The following CD58 variants were observed in gnomAD, a reference collection of about 807,000 sequenced individuals.
CD58 encodes the protein CD58 molecule.
CD58 carries 14 observed loss-of-function variants against 27.6 expected under a neutral mutation model. The ratio of observed to expected loss-of-function variants is 0.51; its 90% CI spans 0.34 to 0.79. The LOEUF (loss-of-function observed/expected upper bound fraction) is 0.79. Among genes scored for constraint, CD58 ranks in the 30% least tolerant of loss-of-function variants. CD58 has a pLI of 0.02. For synonymous variants in CD58, 117 were observed against 103.8 expected (o/e 1.13, Z -0.77); for missense variants, 268 against 301.7 (o/e 0.89, Z 0.83).
chr1:116,526,503 T>C (rs1029881704), intron 3 of CD58, among the ~76,000 whole-genome samples: 2 of 152,260 alleles, frequency 1.3e-5, no homozygotes, highest in African/African-American at 4.8e-5. Context: ...ACCATATTTA[T>C]GTTGGTTTAT....
chr1:116,523,608 A>G lies in CD58; in HGVS notation c.629-1625T>C, dbSNP rs1657337581. Among the ~76,000 whole-genome samples the G allele has an allele frequency of 6.6e-6, 1 of 152,106 alleles. No individual in the cohort carries two copies. Among genetic ancestry groups the G allele is most frequent in the Non-Finnish European group, 1.5e-5 (1 of 68,012 alleles). The stretch of plus-strand genomic sequence containing the variant: ...TATTCCTTGGCAATAATACTCCCCA[A>G]GTAGTGTTTGTATACTTCCCTTAGG... On this transcript the variant is annotated intron_variant, in intron 3 of 5. Coordinates refer to ENST00000369489, the MANE Select transcript of CD58 (RefSeq NM_001779.3). This position sits in a 1 kb window ranked among gnomAD's most constrained non-coding sequence, Gnocchi z 4.4.
Position 116,522,544 on chromosome 1 carries a change from A to G in CD58, c.629-561T>C, listed in dbSNP as rs1657291505. On this transcript the variant is annotated intron_variant, in intron 3 of 5. Coordinates refer to ENST00000369489, the MANE Select transcript of CD58 (RefSeq NM_001779.3). The surrounding 1 kb of genome is among the most constrained non-coding windows in gnomAD (Gnocchi z 4.6). Reference sequence around the variant, plus strand: ...TAAACAGATCATTAACAAAAATCTTATGACTAGAGGCTCACAGGAACCTAC... The same window carrying G: ...TAAACAGATCATTAACAAAAATCTTGTGACTAGAGGCTCACAGGAACCTAC... Among the ~76,000 whole-genome samples the G allele has an allele frequency of 6.6e-6, 1 of 152,218 alleles. No homozygotes were observed. The highest frequency in any genetic ancestry group is 2.4e-5 in the African/African-American group (1 of 41,452).
chr1:116,539,116 T>A (rs1017879057), intron 2 of CD58, among the ~76,000 whole-genome samples: 10 of 152,224 alleles, frequency 6.6e-5, no homozygotes, highest in Non-Finnish European at 1.0e-4. Context: ...TTAACACAGA[T>A]AATAATCAAC....
chr1:116,518,565 G>T, intron 5 of CD58: 2 of 583,508 alleles, frequency 3.4e-6, no homozygotes, highest in Non-Finnish European at 4.3e-6. Flanking sequence ...CTCCAAAGAG[G>T]ATGGCTTGCT....
At chr1:116,533,886 T>C in intron 3 of CD58, 4 of 1,141,746 alleles carry the variant, frequency 3.5e-6, no homozygotes, top group Non-Finnish European at 5.3e-6. Context: ...TTTGTTTCAA[T>C]GCATTAATTC....
rs887732541 is a variant in CD58, at chr1:116,517,257, C to T, written c.743+1974G>A. On this transcript the variant is annotated intron_variant, in intron 5 of 5. Coordinates refer to ENST00000369489, the MANE Select transcript of CD58 (RefSeq NM_001779.3). This position sits in a 1 kb window ranked among gnomAD's most constrained non-coding sequence, Gnocchi z 6.5. ...CACAAGCCTGGAGGTCCCTACCTCTCCCACCTCACCTCATCTCCAGCTACT... is the reference window on the plus strand; with the variant it reads ...CACAAGCCTGGAGGTCCCTACCTCTTCCACCTCACCTCATCTCCAGCTACT... 1.6e-4 allele frequency among the ~76,000 whole-genome samples: 25 copies of T among 152,148 alleles called. No individual in the cohort carries two copies. The highest frequency in any genetic ancestry group is 5.8e-4 in the African/African-American group (24 of 41,420).
rs1428610598 is a variant in CD58 at position 116,536,594 on chromosome 1, G to A, written c.365-366C>T. ...TCATGACATCTGTTGGTTTAAAAGT[G>A]TGTGGCAGTTCTCTCTCTCTCCTGC... On this transcript the variant is annotated intron_variant, in intron 2 of 5. Transcript: ENST00000369489. The surrounding 1 kb of genome is among the most constrained non-coding windows in gnomAD (Gnocchi z 5.4). 6.6e-6 allele frequency among the ~76,000 whole-genome samples: 1 copy of A among 152,050 alleles called. No individual in the cohort carries two copies. Among genetic ancestry groups the A allele is most frequent in the African/African-American group, 2.4e-5 (1 of 41,368 alleles).
At chr1:116,543,147 T>C (rs1433035251) in intron 2 of CD58, among the ~76,000 whole-genome samples, 1 of 151,650 alleles carries the variant, frequency 6.6e-6, no homozygotes, top group Non-Finnish European at 1.5e-5. Flanking sequence ...GCCATGCGAG[T>C]ATGACAAGCC....
rs1192278297 is a variant in CD58, at chr1:116,519,522, G to A, written c.707-255C>T. Among the ~76,000 whole-genome samples the A allele has an allele frequency of 1.3e-5, 2 of 152,134 alleles. No individual in the cohort carries two copies. Among genetic ancestry groups the A allele is most frequent in the East Asian group, 1.9e-4 (1 of 5,198 alleles). The stretch of plus-strand genomic sequence containing the variant: ...TTGACAAAATGGCTAATTTTACCTC[G>A]TGCATAAGGCTGAAGATGCAGGGAA... On this transcript the variant is annotated intron_variant, in intron 4 of 5. Transcript: ENST00000369489. This position sits in a 1 kb window ranked among gnomAD's most constrained non-coding sequence, Gnocchi z 4.7.
In CD58 at chr1:116,550,548, C is replaced by T. The variant is rs1426846073; in HGVS notation, c.71-5944G>A. Among the ~76,000 whole-genome samples the T allele has an allele frequency of 6.6e-6, 1 of 152,210 alleles. No homozygotes were observed. The highest frequency in any genetic ancestry group is 1.5e-5 in the Non-Finnish European group (1 of 68,042). On this transcript the variant is annotated intron_variant, in intron 1 of 5. Transcript: ENST00000369489. The surrounding 1 kb of genome is among the most constrained non-coding windows in gnomAD (Gnocchi z 4.2). ...TCTTGCTATTTCCACCCTTCAAAGT[C>T]ATCCATGAGGATCGGAATCAAATTC... is the stretch of plus-strand genomic sequence containing the variant.
At chr1:116,551,928 C>T (rs963307939) in intron 1 of CD58, among the ~76,000 whole-genome samples, 5 of 151,946 alleles carry the variant, frequency 3.3e-5, no homozygotes, top group Admixed American at 2.0e-4. Context: ...TTAGTAGAGA[C>T]GGGGTTTCGC....
In CD58 at chr1:116,535,820, G is replaced by A. The variant is rs911380969; in HGVS notation, c.628+145C>T. 9 of 571,754 alleles carry A rather than the reference G, an allele frequency of 1.6e-5. 1 individual carries two copies. Among genetic ancestry groups the A allele is most frequent in the South Asian group, 1.4e-4 (6 of 43,770 alleles). The allele number at this position is 571,754 out of a possible 1,614,324, so 35.4% of individuals were successfully genotyped here. On this transcript the variant is annotated intron_variant, in intron 3 of 5. Coordinates refer to ENST00000369489, the MANE Select transcript of CD58 (RefSeq NM_001779.3). ...CGCGCCACTGCACTCCAGCCTGGGC[G>A]ACAGAGCGAGACTCTGTCTCAAAAA...
At chr1:116,533,279 C>T in intron 3 of CD58, 1 of 1,313,120 alleles carries the variant, frequency 7.6e-7, no homozygotes. Flanking sequence ...GACCCTTACG[C>T]TTCTGCTTTT....
Position 116,534,110 on chromosome 1 carries a change from C to T in CD58, c.628+1855G>A, listed in dbSNP as rs778824926. The T allele has an allele frequency of 3.9e-6, 3 of 761,388 alleles. No homozygotes were observed. The South Asian group carries it at 4.1e-5, about 10-fold the overall frequency. 47.2% of individuals were successfully genotyped at this position (761,388 alleles called of 1,614,324 possible). A position where few individuals can be genotyped will look rare whatever the true frequency, so the allele number is the denominator to read the frequency against. On this transcript the variant is annotated intron_variant, in intron 3 of 5. Transcript: ENST00000369489. The surrounding 1 kb of genome is among the most constrained non-coding windows in gnomAD (Gnocchi z 5.3). ...TCTGCCATCTGAATGTTTTTATCCC[C>T]TTGTCTGGTAAACCAAGTCCCGTGA...
intron 1 of CD58, among the ~76,000 whole-genome samples, chr1:116,561,159 AG>A (rs1390239841): frequency 6.6e-6 from 1 of 152,246 alleles, no homozygotes; most frequent in East Asian, 1.9e-4. Flanking sequence ...AGTGACAAGG[AG>A]GTCAATAAAA....
rs1231576159 is a variant in CD58, at chr1:116,536,834, C to G, written c.365-606G>C. ...TTCTTAAATCAAAAAATCTCTGAAG[C>G]CAAAAGAGTCTTCGCAAGTTGGTAG... On this transcript the variant is annotated intron_variant, in intron 2 of 5. Coordinates refer to ENST00000369489, the MANE Select transcript of CD58 (RefSeq NM_001779.3). The surrounding 1 kb of genome is among the most constrained non-coding windows in gnomAD (Gnocchi z 5.4). 2.0e-5 allele frequency among the ~76,000 whole-genome samples: 3 copies of G among 152,186 alleles called. No individual in the cohort carries two copies. The highest frequency in any genetic ancestry group is 4.4e-5 in the Non-Finnish European group (3 of 68,024).
rs762313770 is a variant in CD58 at position 116,528,713 on chromosome 1, G to A, written c.629-6730C>T. 6.6e-6 allele frequency among the ~76,000 whole-genome samples: 1 copy of A among 152,140 alleles called. No individual in the cohort carries two copies. Among genetic ancestry groups the A allele is most frequent in the Non-Finnish European group, 1.5e-5 (1 of 68,012 alleles). On this transcript the variant is annotated intron_variant, in intron 3 of 5. Coordinates refer to ENST00000369489, the MANE Select transcript of CD58 (RefSeq NM_001779.3). The surrounding 1 kb of genome is among the most constrained non-coding windows in gnomAD (Gnocchi z 4.4). Reference sequence around the variant, plus strand: ...AAAAGAGAATGGTGAAGTGCACTGGGTTTCTTTACCTGGAAATAGCCTTTG... The same window carrying A: ...AAAAGAGAATGGTGAAGTGCACTGGATTTCTTTACCTGGAAATAGCCTTTG...
At chr1:116,566,913 A>G (rs528926133) in intron 1 of CD58, among the ~76,000 whole-genome samples, 2 of 151,980 alleles carry the variant, frequency 1.3e-5, no homozygotes, top group East Asian at 3.9e-4. Flanking sequence ...CTGACTTGGG[A>G]GGATTGCTTG....
In CD58 at chr1:116,559,648, G is replaced by A. The variant is rs1261181884; in HGVS notation, c.70+11255C>T. On this transcript the variant is annotated intron_variant, in intron 1 of 5. Coordinates refer to ENST00000369489, the MANE Select transcript of CD58 (RefSeq NM_001779.3). The surrounding 1 kb of genome is among the most constrained non-coding windows in gnomAD (Gnocchi z 4.4). ...GTCTCCCAACGGTTACAAACCCTCG[G>A]TCCCCAAGGCCAGAGCAAGGTTCCC... Among the ~76,000 whole-genome samples, 1 of 152,034 alleles carries A rather than the reference G, an allele frequency of 6.6e-6. No individual in the cohort carries two copies. Among genetic ancestry groups the A allele is most frequent in the African/African-American group, 2.4e-5 (1 of 41,390 alleles).
Sources: allele counts gnomAD v4.1 joint callset (sites outside exome capture counted in the v4.1 genomes callset), GRCh38; gene constraint gnomAD v4.1.1; non-coding constraint Gnocchi (gnomAD v3.1); transcripts MANE v1.5; gene names NCBI Gene and HGNC (gene_info 2026-07-23, HGNC 2026-07-21).